Variants in PTPRZ1 observed in about 807,000 individuals in gnomAD.
PTPRZ1 encodes protein tyrosine phosphatase receptor type Z1.
Under a neutral mutation model 214.1 loss-of-function variants are expected in PTPRZ1, and 82 were observed. That is an observed-to-expected ratio of 0.38 (90% CI 0.32 to 0.46). PTPRZ1 has a LOEUF of 0.46. Ranked by LOEUF, PTPRZ1 falls within the 20% of genes least tolerant of loss-of-function variation. The pLI is 1.00. For missense variants in PTPRZ1, 2,603 were observed against 2,748.7 expected, an observed-to-expected ratio of 0.95 and a Z score of 1.19; for synonymous variants, 945 against 987.9, an observed-to-expected ratio of 0.96 and a Z score of 0.81.
chr7:122,017,455 T>C (rs908490430), intron 12 of PTPRZ1, among the ~76,000 whole-genome samples: 1 of 152,088 alleles, frequency 6.6e-6, no homozygotes, highest in Non-Finnish European at 1.5e-5. Context: ...TTGAATTCCA[T>C]TTTTCCTAGT....
chr7:122,047,216 T>C (rs965421420), intron 23 of PTPRZ1, among the ~76,000 whole-genome samples: 1 of 152,136 alleles, frequency 6.6e-6, no homozygotes, highest in Admixed American at 6.5e-5. Context: ...TGACACCAGA[T>C]TACAGGGAGT....
Position 122,013,683 on chromosome 7 carries a change from A to G in PTPRZ1, c.4637A>G (p.Asp1546Gly). The part of the protein sequence containing the change: ...ESKAWAVLTS[D>G]EESGSGQGTS... ...AAAGCATGGGCAGTTCTGACAAGTGATGAAGAAAGTGGATCAGGGCAAGGT... is the reference window on the plus strand; with the variant it reads ...AAAGCATGGGCAGTTCTGACAAGTGGTGAAGAAAGTGGATCAGGGCAAGGT... Residue 1546 changes from aspartate (D) to glycine (G), a missense_variant, in exon 12 of 30, where the codon GAT becomes GGT. Around this residue, in one of 6 missense-constraint regions of PTPRZ1, gnomAD observed 1,913 missense variants for 1,914.3 expected, o/e 1.00. Coordinates refer to ENST00000393386, the MANE Select transcript of PTPRZ1 (RefSeq NM_002851.3). The G allele has an allele frequency of 6.2e-7, 1 of 1,614,220 alleles. No homozygotes were observed. Among genetic ancestry groups the G allele is most frequent in the Non-Finnish European group, 8.5e-7 (1 of 1,180,036 alleles).
At chr7:122,043,988 A>G (rs527568495) in intron 22 of PTPRZ1, among the ~76,000 whole-genome samples, 26 of 152,230 alleles carry the variant, frequency 1.7e-4, no homozygotes, top group Non-Finnish European at 3.4e-4. Context: ...TCAGAGAACT[A>G]TTAACTATAT....
intron 1 of PTPRZ1, among the ~76,000 whole-genome samples, chr7:121,876,199 C>T (rs1258463429): frequency 1.3e-5 from 2 of 152,126 alleles, no homozygotes; most frequent in Non-Finnish European, 2.9e-5. Context: ...AATACATGAA[C>T]CAAAACAAAT....
intron 1 of PTPRZ1, among the ~76,000 whole-genome samples, chr7:121,917,110 A>G (rs774098659): frequency 6.6e-6 from 1 of 152,218 alleles, no homozygotes; most frequent in Admixed American, 6.5e-5. Context: ...CACTTCAAAT[A>G]AACTGTACAA....
chr7:122,011,218 A>G lies in PTPRZ1; in HGVS notation c.2172A>G (p.Thr724=). Residue 724 remains threonine (T), a synonymous_variant, in exon 12 of 30, where the codon ACA becomes ACG. Coordinates refer to ENST00000393386, the MANE Select transcript of PTPRZ1 (RefSeq NM_002851.3). Reference sequence around the variant, plus strand: ...TTGCCTACTTCCCAACTGAGGTAACACCTCATGCTTTTACCCCATCCTCCA... The same window carrying G: ...TTGCCTACTTCCCAACTGAGGTAACGCCTCATGCTTTTACCCCATCCTCCA... ...STFAYFPTEV[T]PHAFTPSSRQ... The G allele has an allele frequency of 6.2e-7, 1 of 1,613,958 alleles. No homozygotes were observed. The highest frequency in any genetic ancestry group is 8.5e-7 in the Non-Finnish European group (1 of 1,179,976).
rs1159997605 is a variant in PTPRZ1, at chr7:122,028,569, C to G, written c.5006C>G (p.Ala1669Gly). 6.5e-7 allele frequency: 1 copy of G among 1,540,080 alleles called. No homozygotes were observed. Among genetic ancestry groups the G allele is most frequent in the Non-Finnish European group, 9.0e-7 (1 of 1,113,316 alleles). ...LIYWRKCFQT[A>G]HFYLEDSTSP... ...ATTTCCAGGAAATGCTTCCAGACTG[C>G]ACACTTTTACTTAGAGGACAGTACA... The change falls in exon 14 of 30, where the codon GCA (alanine) becomes GGA (glycine). Residue 1669 changes from alanine (A) to glycine (G), a missense_variant. Physicochemically the swap from Ala to Gly is moderately conservative, Grantham distance 60 (BLOSUM62 0). Transcript: ENST00000393386.
chr7:122,013,987 T>G (rs1303434501), intron 12 of PTPRZ1, 98 bp downstream of exon 12: 35 of 1,011,580 alleles, frequency 3.5e-5, no homozygotes, highest in Non-Finnish European at 4.9e-5. Flanking sequence ...GGTAAAATGG[T>G]ACATCATCAT....
intron 13 of PTPRZ1, among the ~76,000 whole-genome samples, chr7:122,021,084 C>T (rs1562867152): frequency 6.6e-6 from 1 of 152,156 alleles, no homozygotes; most frequent in Non-Finnish European, 1.5e-5. Flanking sequence ...GAGAATATGA[C>T]CAATTCTGCT....
At chr7:121,926,347 T>C (rs1279252981) in intron 1 of PTPRZ1, among the ~76,000 whole-genome samples, 1 of 149,764 alleles carries the variant, frequency 6.7e-6, no homozygotes, top group Non-Finnish European at 1.5e-5. Context: ...TTAAAGTAAA[T>C]TCTATAATAA....
In PTPRZ1 at chr7:121,935,544, T is replaced by TTTTTG. The variant is rs1188815641; in HGVS notation, c.124+7326_124+7327insTGTTT. The stretch of plus-strand genomic sequence containing the variant: ...TTTTGTTTTTGTTTTTTGGGGTTTT[T>TTTTTG]TTTGTTTGTTTGTTTGTTTGTTTGT... On this transcript the variant is annotated intron_variant, in intron 2 of 29. Coordinates refer to ENST00000393386, the MANE Select transcript of PTPRZ1 (RefSeq NM_002851.3). Among the ~76,000 whole-genome samples, 305 of 131,180 alleles carry TTTTTG rather than the reference T, an allele frequency of 2.3e-3. 7 individuals carry two copies. Among genetic ancestry groups the TTTTTG allele is most frequent in the Admixed American group, 0.023 (301 of 13,196 alleles). The allele number at this position is 131,180 out of a possible 152,430, so 86.1% of individuals were successfully genotyped here.
intron 18 of PTPRZ1, 89 bp from the exon 19 acceptor site, chr7:122,038,666 T>A (rs1799623708): frequency 7.8e-7 from 1 of 1,287,404 alleles, no homozygotes; most frequent in East Asian, 2.4e-5. Context: ...TTACGAAAAA[T>A]TATGCTGACC....
At chr7:121,992,236 G>A (rs1444214415) in intron 8 of PTPRZ1, among the ~76,000 whole-genome samples, 2 of 152,180 alleles carry the variant, frequency 1.3e-5, no homozygotes, top group Non-Finnish European at 2.9e-5. Context: ...AGGGCAGATT[G>A]TGCTTCTTCC....
Position 121,916,863 on chromosome 7 carries a change from C to T in PTPRZ1, c.59-11293C>T, listed in dbSNP as rs565066356. Among the ~76,000 whole-genome samples, 4 of 152,290 alleles carry T rather than the reference C, an allele frequency of 2.6e-5. No individual in the cohort carries two copies. The South Asian group carries it at 8.3e-4, about 32-fold the overall frequency. On this transcript the variant is annotated intron_variant, in intron 1 of 29. Coordinates refer to ENST00000393386, the MANE Select transcript of PTPRZ1 (RefSeq NM_002851.3). The stretch of plus-strand genomic sequence containing the variant: ...TGAATCCCCTCTCCTTAAGGCCTCA[C>T]TTTGGGGATTCACAGAATGGGCATT...
intron 27 of PTPRZ1, among the ~76,000 whole-genome samples, chr7:122,055,354 T>G (rs903294001): frequency 9.2e-5 from 14 of 151,948 alleles, no homozygotes; most frequent in African/African-American, 3.4e-4. Flanking sequence ...TGACAGAACT[T>G]AGGTGAAAAA....
At chr7:122,007,220 T>C in intron 11 of PTPRZ1, among the ~76,000 whole-genome samples, 1 of 151,940 alleles carries the variant, frequency 6.6e-6, no homozygotes, top group East Asian at 1.9e-4. Flanking sequence ...GGAGAAAGAA[T>C]TCTTATGACA....
At chr7:122,027,445 A>G (rs1013285910) in intron 13 of PTPRZ1, among the ~76,000 whole-genome samples, 1 of 152,218 alleles carries the variant, frequency 6.6e-6, no homozygotes, top group African/African-American at 2.4e-5. Flanking sequence ...GAACTAATTT[A>G]CTAGAAAAAA....
chr7:121,952,106 C>T (rs545692824), intron 2 of PTPRZ1, among the ~76,000 whole-genome samples: 1 of 152,062 alleles, frequency 6.6e-6, no homozygotes, highest in East Asian at 2.0e-4. Context: ...CTACAGGCGC[C>T]CACCACCATG....
At chr7:121,956,958 CT>C (rs1371107847) in intron 2 of PTPRZ1, among the ~76,000 whole-genome samples, 1 of 151,946 alleles carries the variant, frequency 6.6e-6, no homozygotes, top group Non-Finnish European at 1.5e-5. Flanking sequence ...AACAACATAG[CT>C]TAAAAAAAAA....
Sources: allele counts gnomAD v4.1 joint callset (sites outside exome capture counted in the v4.1 genomes callset), GRCh38; gene constraint gnomAD v4.1.1; regional missense constraint gnomAD v4.1.1; transcripts MANE v1.5; gene names NCBI Gene and HGNC (gene_info 2026-07-23, HGNC 2026-07-21).